The following MGST1 variants were observed in gnomAD, a reference collection of about 807,000 sequenced individuals.
The protein encoded by MGST1 is glutathione S-transferase 12.
In MGST1, 5 loss-of-function variants were observed where a neutral mutation model predicts 8.9. That is an observed-to-expected ratio of 0.56 (90% CI 0.29 to 1.19). MGST1 has a LOEUF of 1.19. Among genes scored for constraint, MGST1 ranks in the 50% most tolerant of loss-of-function variants. MGST1 has a pLI of 0.08. For missense variants in MGST1, 182 were observed against 187.4 expected, an observed-to-expected ratio of 0.97 and a Z score of 0.17; for synonymous variants, 54 against 67.8, an observed-to-expected ratio of 0.80 and a Z score of 1.00.
chr12:16,493,491 G>A (rs980079234), intron 4 of MGST1, among the ~76,000 whole-genome samples: 1 of 152,138 alleles, frequency 6.6e-6, no homozygotes, highest in Admixed American at 6.6e-5. Flanking sequence ...ATGCATTAAA[G>A]GTTGGAAAAC....
intron 4 of MGST1, among the ~76,000 whole-genome samples, chr12:16,574,712 C>T (rs191485869): frequency 6.6e-6 from 1 of 152,224 alleles, no homozygotes; most frequent in Admixed American, 6.5e-5. Flanking sequence ...TGTTTCCAAC[C>T]GCAAAGGATT....
In MGST1 at chr12:16,408,087, A is replaced by G. The variant is rs542871207; in HGVS notation, n.778+24483A>G. Among the ~76,000 whole-genome samples the G allele has an allele frequency of 2.6e-4, 39 of 149,418 alleles. No homozygotes were observed. The South Asian group carries it at 7.8e-3, about 30-fold the overall frequency. On this transcript the variant is annotated intron_variant and non_coding_transcript_variant, in intron 1 of 1. Coordinates refer to the MGST1 transcript ENST00000359720. Reference sequence around the variant, plus strand: ...AGGAACATGGATAGAGCTGGAGGCCACTATACTTAGCAAAGTAATACAGGA... The same window carrying G: ...AGGAACATGGATAGAGCTGGAGGCCGCTATACTTAGCAAAGTAATACAGGA...
chr12:16,374,890 G>C (rs1249148634), intron 3 of MGST1, among the ~76,000 whole-genome samples: 1 of 152,036 alleles, frequency 6.6e-6, no homozygotes, highest in African/African-American at 2.4e-5. Context: ...TTTAGTATTG[G>C]TTTGTTTTAG....
chr12:16,375,182 GTTC>G (rs1294669489), intron 3 of MGST1, among the ~76,000 whole-genome samples: 4 of 152,042 alleles, frequency 2.6e-5, no homozygotes, highest in Non-Finnish European at 5.9e-5. Context: ...CACCCTGACT[GTTC>G]TTATGTTTTA....
At chr12:16,405,189 A>G (rs769422624) in intron 1 of MGST1, among the ~76,000 whole-genome samples, 10 of 152,174 alleles carry the variant, frequency 6.6e-5, no homozygotes, top group Non-Finnish European at 1.2e-4. Context: ...GAGCTGAACC[A>G]AAAGAGATTG....
chr12:16,455,220 A>C (rs1941163541), intron 4 of MGST1, among the ~76,000 whole-genome samples: 1 of 151,924 alleles, frequency 6.6e-6, no homozygotes, highest in South Asian at 2.1e-4. Context: ...TTAATTGAGC[A>C]CTTGCTATGT....
intron 4 of MGST1, among the ~76,000 whole-genome samples, chr12:16,485,601 A>G (rs1457647406): frequency 6.6e-6 from 1 of 152,198 alleles, no homozygotes; most frequent in African/African-American, 2.4e-5. Context: ...CGTTCTCACT[A>G]TTGTTTCCTT....
At chr12:16,439,745 A>G (rs933876634), downstream of MGST1, among the ~76,000 whole-genome samples, 3 of 151,874 alleles carry the variant, frequency 2.0e-5, no homozygotes, top group African/African-American at 7.2e-5. Flanking sequence ...CTGTTAAATT[A>G]TTTAGCCCTT....
intron 1 of MGST1, among the ~76,000 whole-genome samples, chr12:16,432,709 C>T (rs1417507012): frequency 1.4e-5 from 2 of 146,330 alleles, no homozygotes; most frequent in East Asian, 4.1e-4. Context: ...CACACACACA[C>T]ACACACACAC....
At chr12:16,378,759 T>C (rs1452333514), downstream of MGST1, among the ~76,000 whole-genome samples, 1 of 151,306 alleles carries the variant, frequency 6.6e-6, no homozygotes, top group Non-Finnish European at 1.5e-5. Context: ...TTTCACGATA[T>C]TGATTCTTCC....
chr12:16,483,319 A>G (rs1428203405), intron 4 of MGST1, among the ~76,000 whole-genome samples: 3 of 151,930 alleles, frequency 2.0e-5, no homozygotes, highest in African/African-American at 7.2e-5. Context: ...CTGATTATTA[A>G]CTTTAGACAT....
At position 16,537,108 on chromosome 12, in the gene MGST1, C is replaced by T. The variant is rs142331876; in HGVS notation, n.483-52420C>T. Among the ~76,000 whole-genome samples, 16 of 152,222 alleles carry T rather than the reference C, an allele frequency of 1.1e-4. No individual in the cohort carries two copies. The East Asian group carries it at 1.5e-3, about 15-fold the overall frequency. On this transcript the variant is annotated intron_variant and non_coding_transcript_variant, in intron 4 of 4. Transcript: ENST00000538857. The surrounding 1 kb of genome is among the most constrained non-coding windows in gnomAD (Gnocchi z 4.6). Reference sequence around the variant, plus strand: ...CAAGTTAGTTACTTCCTAGATACAACGGGGATACAGGTATTGGGTAAATAC... The same window carrying T: ...CAAGTTAGTTACTTCCTAGATACAATGGGGATACAGGTATTGGGTAAATAC...
intron 3 of MGST1, among the ~76,000 whole-genome samples, chr12:16,372,433 A>T (rs183109095): frequency 6.6e-6 from 1 of 152,220 alleles, no homozygotes; most frequent in East Asian, 1.9e-4. Flanking sequence ...AAAAACACAC[A>T]ACAGCACTAA....
chr12:16,396,419 C>T (rs1337428568), intron 1 of MGST1, among the ~76,000 whole-genome samples: 1 of 152,080 alleles, frequency 6.6e-6, no homozygotes, highest in African/African-American at 2.4e-5. Context: ...CAATGTATTA[C>T]TGGAAGTCTT....
At chr12:16,384,083 G>C (rs1234868659) in intron 1 of MGST1, among the ~76,000 whole-genome samples, 2 of 152,074 alleles carry the variant, frequency 1.3e-5, no homozygotes, top group Non-Finnish European at 2.9e-5. Context: ...AATTCCTCTG[G>C]TACAAAAAGA....
Position 16,364,219 on chromosome 12 carries a change from A to G in MGST1, c.*178A>G, listed in dbSNP as rs2137002730. The G allele has an allele frequency of 7.8e-7, 1 of 1,285,952 alleles. No homozygotes were observed. Among genetic ancestry groups the G allele is most frequent in the East Asian group, 2.8e-5 (1 of 35,672 alleles). The allele number at this position is 1,285,952 out of a possible 1,614,324, so 79.7% of individuals were successfully genotyped here. ...TGTATTCTTGTTTTACATTTGGATTAGAAATTTAACATAGTAATTCTTAAG... is the reference window on the plus strand; with the variant it reads ...TGTATTCTTGTTTTACATTTGGATTGGAAATTTAACATAGTAATTCTTAAG... On this transcript the variant is annotated 3_prime_UTR_variant, in exon 4 of 4. Coordinates refer to ENST00000396210, the MANE Select transcript of MGST1 (RefSeq NM_020300.5). This position sits in a 1 kb window ranked among gnomAD's most constrained non-coding sequence, Gnocchi z 5.7.
At chr12:16,474,146 A>G (rs140029591) in intron 4 of MGST1, among the ~76,000 whole-genome samples, 269 of 152,322 alleles carry the variant, frequency 1.8e-3, no homozygotes, top group African/African-American at 6.3e-3. Context: ...GTGTAATACC[A>G]GTAAGCATCC....
intron 4 of MGST1, among the ~76,000 whole-genome samples, chr12:16,541,848 T>C (rs1305401588): frequency 6.6e-6 from 1 of 152,176 alleles, no homozygotes; most frequent in East Asian, 1.9e-4. Flanking sequence ...TAAGTTTCGG[T>C]AAGCCAAGTA....
At chr12:16,390,262 A>G (rs1940539978) in intron 1 of MGST1, among the ~76,000 whole-genome samples, 1 of 152,234 alleles carries the variant, frequency 6.6e-6, no homozygotes, top group African/African-American at 2.4e-5. Context: ...AAAATTGTCC[A>G]CTTTAGAAAG....
Sources: gnomAD v4.1 joint callset for allele counts (sites outside exome capture counted in the v4.1 genomes callset) on GRCh38, gnomAD v4.1.1 for gene constraint, Gnocchi (gnomAD v3.1) non-coding constraint, MANE v1.5 for transcripts, NCBI Gene and HGNC (gene_info 2026-07-23, HGNC 2026-07-21) for gene names.